Variants in SMOC2 observed in about 807,000 individuals in gnomAD.
The protein encoded by SMOC2 is SPARC related modular calcium binding 2.
SMOC2 carries 39 observed loss-of-function variants against 61.4 expected under a neutral mutation model. The ratio of observed to expected loss-of-function variants is 0.64; its 90% CI spans 0.49 to 0.83. The LOEUF (loss-of-function observed/expected upper bound fraction) is 0.83. Among genes scored for constraint, SMOC2 ranks in the 40% least tolerant of loss-of-function variants. The probability of loss-of-function intolerance (pLI) is 0.00; values close to 1 mark genes in which losing one functional copy is unlikely to be tolerated. For synonymous variants in SMOC2, 247 were observed against 239.9 expected, an observed-to-expected ratio of 1.03 and a Z score of -0.27; for missense variants, 556 against 592.9, an observed-to-expected ratio of 0.94 and a Z score of 0.65.
chr6:168,639,202 G>A (rs1786826395), intron 9 of SMOC2, among the ~76,000 whole-genome samples: 1 of 152,134 alleles, frequency 6.6e-6, no homozygotes, highest in African/African-American at 2.4e-5. Flanking sequence ...TTTGGCTCTG[G>A]GTGGCATGTG....
intron 4 of SMOC2, 75 bp downstream of exon 4, chr6:168,527,802 G>T: frequency 9.9e-7 from 1 of 1,005,610 alleles, no homozygotes; most frequent in Non-Finnish European, 1.5e-6. Flanking sequence ...CATCTTCCCT[G>T]GGTTTACTGA....
chr6:168,665,350 A>G (rs1379969099), intron 12 of SMOC2: 3 of 152,826 alleles, frequency 2.0e-5, no homozygotes, highest in Non-Finnish European at 4.4e-5. Context: ...TCAGCAAACT[A>G]CGATATTGGG....
intron 7 of SMOC2, among the ~76,000 whole-genome samples, chr6:168,570,514 A>C (rs1398396312): frequency 1.3e-5 from 2 of 152,182 alleles, no homozygotes; most frequent in Non-Finnish European, 2.9e-5. Context: ...CCAGGTTTTC[A>C]CAGGGCCCTG....
At chr6:168,581,453 A>G (rs1583129984) in intron 7 of SMOC2, among the ~76,000 whole-genome samples, 1 of 152,198 alleles carries the variant, frequency 6.6e-6, no homozygotes, top group Non-Finnish European at 1.5e-5. Flanking sequence ...GCAGCCAAGC[A>G]CCTGCCACCT....
At chr6:168,549,089 G>C in intron 6 of SMOC2, 40 bp from the exon 7 acceptor site, 1 of 1,548,808 alleles carries the variant, frequency 6.5e-7, no homozygotes, top group Non-Finnish European at 8.9e-7. Context: ...GTGCTTTCGT[G>C]ATGAATTAAA....
intron 2 of SMOC2, among the ~76,000 whole-genome samples, chr6:168,513,464 AATACACACACACACATAC>A (rs67347576): frequency 0.64 from 83,897 of 130,770 alleles, 26,339 homozygotes; most frequent in Non-Finnish European, 0.76. Context: ...CACACACACA[AATACACACACACACATAC>A]ATACACACAC....
chr6:168,638,218 T>C (rs1048276720), intron 9 of SMOC2, among the ~76,000 whole-genome samples: 3 of 146,086 alleles, frequency 2.1e-5, no homozygotes, highest in African/African-American at 5.0e-5. Flanking sequence ...AATAATGCTC[T>C]CTTTAAATAA....
intron 9 of SMOC2, among the ~76,000 whole-genome samples, chr6:168,628,626 C>T (rs571152976): frequency 1.2e-4 from 18 of 152,326 alleles, no homozygotes; most frequent in African/African-American, 4.3e-4. Context: ...TGACCAATTC[C>T]TTCTCCTAAG....
At chr6:168,464,464 T>C (rs542360318) in intron 1 of SMOC2, among the ~76,000 whole-genome samples, 26 of 152,240 alleles carry the variant, frequency 1.7e-4, no homozygotes, top group Admixed American at 3.3e-4. Context: ...TTATTTCCAC[T>C]GTGAAAGGGT....
At chr6:168,450,916 A>C (rs1452486083) in intron 1 of SMOC2, among the ~76,000 whole-genome samples, 1 of 152,214 alleles carries the variant, frequency 6.6e-6, no homozygotes, top group Non-Finnish European at 1.5e-5. Flanking sequence ...GCACCCCCAC[A>C]TGATACTTTA....
At chr6:168,480,780 AAC>A (rs1782188211) in intron 1 of SMOC2, among the ~76,000 whole-genome samples, 1 of 152,166 alleles carries the variant, frequency 6.6e-6, no homozygotes, top group Non-Finnish European at 1.5e-5. Flanking sequence ...ATTATGACCA[AAC>A]TTTCAATAGA....
chr6:168,574,126 A>G (rs1331882419), intron 7 of SMOC2, among the ~76,000 whole-genome samples: 3 of 152,258 alleles, frequency 2.0e-5, no homozygotes, highest in East Asian at 1.9e-4. Flanking sequence ...TTCCCTGCAC[A>G]TGTGATCTCT....
chr6:168,632,590 T>A (rs1786598272), intron 9 of SMOC2, among the ~76,000 whole-genome samples: 1 of 152,234 alleles, frequency 6.6e-6, no homozygotes, highest in African/African-American at 2.4e-5. Flanking sequence ...GTATTTCATA[T>A]TGTAGATGTT....
At chr6:168,546,288 G>C in intron 5 of SMOC2, among the ~76,000 whole-genome samples, 1 of 143,660 alleles carries the variant, frequency 7.0e-6, no homozygotes, top group South Asian at 2.3e-4. Context: ...GGATGATCCT[G>C]AGAGCACCAC....
At chr6:168,483,204 CAA>C (rs1004965767) in intron 1 of SMOC2, among the ~76,000 whole-genome samples, 1 of 151,494 alleles carries the variant, frequency 6.6e-6, no homozygotes, top group African/African-American at 2.4e-5. Flanking sequence ...CACACACACA[CAA>C]AAAAACTTGT....
At chr6:168,610,479 T>C (rs779428965) in intron 9 of SMOC2, among the ~76,000 whole-genome samples, 1 of 152,198 alleles carries the variant, frequency 6.6e-6, no homozygotes, top group Non-Finnish European at 1.5e-5. Flanking sequence ...AGAAACCTAT[T>C]TCCAAAATAA....
At chr6:168,458,143 C>T (rs1380818700) in intron 1 of SMOC2, among the ~76,000 whole-genome samples, 1 of 152,222 alleles carries the variant, frequency 6.6e-6, no homozygotes, top group Non-Finnish European at 1.5e-5. Context: ...TGTGGTGAGG[C>T]TTCAGGGTGT....
intron 9 of SMOC2, among the ~76,000 whole-genome samples, chr6:168,616,151 A>G (rs551195467): frequency 6.6e-6 from 1 of 152,294 alleles, no homozygotes; most frequent in East Asian, 1.9e-4. Flanking sequence ...AAAAATGTCT[A>G]CTTCTGTGAT....
chr6:168,441,587 G>A, intron 1 of SMOC2, 133 bp downstream of exon 1: 6 of 1,238,296 alleles, frequency 4.8e-6, no homozygotes, highest in Non-Finnish European at 6.2e-6. Flanking sequence ...GGGCCGTGGA[G>A]CCTTCGCCTG....
Sources: gnomAD v4.1 joint callset for allele counts (sites outside exome capture counted in the v4.1 genomes callset) on GRCh38, gnomAD v4.1.1 for gene constraint, MANE v1.5 for transcripts, NCBI Gene and HGNC (gene_info 2026-07-23, HGNC 2026-07-21) for gene names.